The following SPAG16 variants were observed in gnomAD, a reference collection of about 807,000 sequenced individuals.
SPAG16 encodes sperm associated antigen 16.
A neutral mutation model predicts 80.4 loss-of-function variants in SPAG16; 86 were observed. The ratio of observed to expected loss-of-function variants is 1.07; its 90% CI spans 0.90 to 1.28. The LOEUF (loss-of-function observed/expected upper bound fraction) is 1.28, where lower values mean the gene tolerates loss of function less well. Ranked by LOEUF, SPAG16 falls within the 50% of genes most tolerant of loss-of-function variation. The pLI is 0.00. For missense variants in SPAG16, 870 were observed against 765.3 expected (o/e 1.14, Z -1.61); for synonymous variants, 294 against 265.9 (o/e 1.11, Z -1.03).
At chr2:214,340,884 C>G (rs1697637260) in intron 15 of SPAG16, among the ~76,000 whole-genome samples, 1 of 152,146 alleles carries the variant, frequency 6.6e-6, no homozygotes, top group Non-Finnish European at 1.5e-5. Flanking sequence ...TAAAATCAAC[C>G]TAAGTGAAGG....
intron 11 of SPAG16, among the ~76,000 whole-genome samples, chr2:213,870,425 GATAA>G (rs2075902734): frequency 6.6e-6 from 1 of 152,122 alleles, no homozygotes; most frequent in South Asian, 2.1e-4. Flanking sequence ...ATGTATTATA[GATAA>G]ATAAATAAAT....
chr2:214,088,207 G>GA lies in SPAG16; in HGVS notation c.1528-19980dup, dbSNP rs200430093. Among the ~76,000 whole-genome samples the GA allele has an allele frequency of 1.2e-3, 175 of 150,642 alleles. 1 individual carries two copies. Among genetic ancestry groups the GA allele is most frequent in the African/African-American group, 4.1e-3 (169 of 41,134 alleles). ...ATTGTGCAAAGGAACAAAAATATTG[G>GA]AAAAAAAAATTAGATAAAAGATGGC... On this transcript the variant is annotated intron_variant, in intron 13 of 15. Coordinates refer to ENST00000331683, the MANE Select transcript of SPAG16 (RefSeq NM_024532.5).
chr2:214,273,888 G>T (rs1372280215), intron 15 of SPAG16, among the ~76,000 whole-genome samples: 1 of 152,170 alleles, frequency 6.6e-6, no homozygotes, highest in African/African-American at 2.4e-5. Context: ...ACCCTGTGCA[G>T]TATGGCCATT....
intron 12 of SPAG16, among the ~76,000 whole-genome samples, chr2:214,000,671 A>G (rs2046750132): frequency 6.6e-6 from 1 of 152,228 alleles, no homozygotes; most frequent in East Asian, 1.9e-4. Flanking sequence ...ATAAATAAAT[A>G]AGCTAAATTC....
intron 10 of SPAG16, among the ~76,000 whole-genome samples, chr2:213,561,068 T>C (rs1345632489): frequency 6.6e-6 from 1 of 152,212 alleles, no homozygotes; most frequent in African/African-American, 2.4e-5. Flanking sequence ...TTCAATATGT[T>C]GGCAAGGCTG....
intron 15 of SPAG16, among the ~76,000 whole-genome samples, chr2:214,216,226 A>G (rs1029424018): frequency 6.6e-6 from 1 of 152,216 alleles, no homozygotes; most frequent in Non-Finnish European, 1.5e-5. Flanking sequence ...ATACATAAAT[A>G]GTATCTTATA....
chr2:214,071,222 T>C (rs889204425), intron 13 of SPAG16, among the ~76,000 whole-genome samples: 1 of 152,134 alleles, frequency 6.6e-6, no homozygotes, highest in East Asian at 1.9e-4. Context: ...GCTAGGAAGA[T>C]CTTCAATAGC....
chr2:213,381,510 T>C (rs994246545), intron 9 of SPAG16, among the ~76,000 whole-genome samples: 9 of 152,326 alleles, frequency 5.9e-5, no homozygotes, highest in African/African-American at 1.2e-4. Context: ...GAATAAACTT[T>C]GCTTAGGAGA....
intron 9 of SPAG16, among the ~76,000 whole-genome samples, chr2:213,417,082 T>C (rs1375222177): frequency 1.3e-5 from 2 of 152,044 alleles, no homozygotes; most frequent in African/African-American, 4.8e-5. Flanking sequence ...TTAAAGGAGG[T>C]AAAGCTCTGG....
intron 10 of SPAG16, among the ~76,000 whole-genome samples, chr2:213,614,972 C>T (rs575709522): frequency 6.6e-6 from 1 of 152,256 alleles, no homozygotes; most frequent in Non-Finnish European, 1.5e-5. Flanking sequence ...ATCCTAAGTG[C>T]TTTATATACA....
At chr2:213,957,964 G>T (rs1300185216) in intron 12 of SPAG16, among the ~76,000 whole-genome samples, 2 of 152,172 alleles carry the variant, frequency 1.3e-5, no homozygotes, top group Non-Finnish European at 2.9e-5. Flanking sequence ...TTGCCAGTAA[G>T]GAAAGACACA....
At chr2:214,248,286 TATATTATTATTA>T (rs1227336072) in intron 15 of SPAG16, among the ~76,000 whole-genome samples, 2 of 128,084 alleles carry the variant, frequency 1.6e-5, no homozygotes, top group Non-Finnish European at 3.2e-5. Context: ...GTACTATTCT[TATATTATTATTA>T]TTATTATTAT....
chr2:214,199,726 C>T (rs2057954676), intron 15 of SPAG16, among the ~76,000 whole-genome samples: 1 of 152,170 alleles, frequency 6.6e-6, no homozygotes, highest in Non-Finnish European at 1.5e-5. Context: ...ATCTTCCCAT[C>T]CATGAACATG....
intron 10 of SPAG16, among the ~76,000 whole-genome samples, chr2:213,686,254 G>C (rs1215246708): frequency 6.6e-6 from 1 of 152,126 alleles, no homozygotes; most frequent in African/African-American, 2.4e-5. Context: ...GAGCAGCTGG[G>C]ACTATAGGTG....
At chr2:213,933,700 C>G (rs892836059) in intron 12 of SPAG16, among the ~76,000 whole-genome samples, 8 of 152,276 alleles carry the variant, frequency 5.3e-5, no homozygotes, top group African/African-American at 1.9e-4. Flanking sequence ...GCTTCTTGAC[C>G]CCTAATGTTG....
chr2:213,786,736 T>C (rs1446084251), intron 10 of SPAG16, among the ~76,000 whole-genome samples: 1 of 152,110 alleles, frequency 6.6e-6, no homozygotes, highest in African/African-American at 2.4e-5. Context: ...GTGTTCAGCA[T>C]AGATTAATGG....
At chr2:214,056,624 G>A (rs1329262998) in intron 13 of SPAG16, among the ~76,000 whole-genome samples, 1 of 152,076 alleles carries the variant, frequency 6.6e-6, no homozygotes, top group East Asian at 1.9e-4. Context: ...ACTGCTGACT[G>A]ATCAGGTTGG....
chr2:214,229,760 A>T (rs1213766219), intron 15 of SPAG16, among the ~76,000 whole-genome samples: 1 of 151,936 alleles, frequency 6.6e-6, no homozygotes, highest in Non-Finnish European at 1.5e-5. Flanking sequence ...TACAGTCAAT[A>T]CAAACATGGG....
At chr2:214,198,752 A>C (rs1208149202) in intron 15 of SPAG16, among the ~76,000 whole-genome samples, 1 of 152,064 alleles carries the variant, frequency 6.6e-6, no homozygotes, top group Admixed American at 6.6e-5. Flanking sequence ...TTTTTACCAT[A>C]TTCATGCCAA....
Sources: gnomAD v4.1 joint callset for allele counts (sites outside exome capture counted in the v4.1 genomes callset) on GRCh38, gnomAD v4.1.1 for gene constraint, MANE v1.5 for transcripts, NCBI Gene and HGNC (gene_info 2026-07-23, HGNC 2026-07-21) for gene names.